NAALADL2: variants seen among roughly 807,000 people sequenced by gnomAD.
The protein encoded by NAALADL2 is inactive N-acetylated-alpha-linked acidic dipeptidase-like protein 2.
In NAALADL2, 76 loss-of-function variants were observed where a neutral mutation model predicts 87.2. The observed-to-expected ratio is 0.87, with a 90% CI of 0.72 to 1.05. The LOEUF is 1.05. NAALADL2 is among the 50% of genes least tolerant of loss of function. NAALADL2 has a pLI of 0.00. For synonymous variants in NAALADL2, 354 were observed against 331.0 expected (o/e 1.07, Z -0.75); for missense variants, 1,089 against 945.8 (o/e 1.15, Z -1.99).
At chr3:175,257,799 AT>A (rs1750270977) in intron 4 of NAALADL2, among the ~76,000 whole-genome samples, 3 of 152,342 alleles carry the variant, frequency 2.0e-5, no homozygotes, top group African/African-American at 7.2e-5. Context: ...GAGAACATTT[AT>A]AATAATTACA....
chr3:175,288,704 G>T (rs1755280513), intron 4 of NAALADL2, among the ~76,000 whole-genome samples: 1 of 152,130 alleles, frequency 6.6e-6, no homozygotes, highest in African/African-American at 2.4e-5. Context: ...CGTTCCATGG[G>T]ATGCGGTAGT....
intron 5 of NAALADL2, among the ~76,000 whole-genome samples, chr3:175,325,221 A>G (rs942150927): frequency 2.0e-5 from 3 of 152,222 alleles, no homozygotes; most frequent in Non-Finnish European, 4.4e-5. Flanking sequence ...TGCCTATTCT[A>G]TGTTAACTTT....
intron 3 of NAALADL2, among the ~76,000 whole-genome samples, chr3:174,780,296 T>A (rs1359362091): frequency 1.3e-5 from 2 of 152,162 alleles, no homozygotes; most frequent in Non-Finnish European, 2.9e-5. Flanking sequence ...CTGTTATTGG[T>A]GTATAGCAAA....
chr3:175,337,576 C>T (rs1361001874), intron 5 of NAALADL2, among the ~76,000 whole-genome samples: 2 of 152,032 alleles, frequency 1.3e-5, no homozygotes, highest in East Asian at 1.9e-4. Flanking sequence ...GAGAGAGCCC[C>T]AGAAAGAAAC....
intron 12 of NAALADL2, among the ~76,000 whole-genome samples, chr3:175,746,318 T>G (rs1053769669): frequency 1.3e-5 from 2 of 151,208 alleles, no homozygotes; most frequent in African/African-American, 2.4e-5. Flanking sequence ...TTGGTTTGTT[T>G]TTTTTTTTTT....
At chr3:175,734,237 C>G (rs918359635) in intron 11 of NAALADL2, among the ~76,000 whole-genome samples, 3 of 152,162 alleles carry the variant, frequency 2.0e-5, no homozygotes, top group African/African-American at 7.2e-5. Context: ...GGCATTCAGG[C>G]GTTTCCATAC....
At chr3:174,863,578 GAA>G (rs535994765) in intron 1 of NAALADL2, among the ~76,000 whole-genome samples, 1 of 142,894 alleles carries the variant, frequency 7.0e-6, no homozygotes, top group South Asian at 2.5e-4. Flanking sequence ...ATAAGTAAAA[GAA>G]AAAAAAAACA....
chr3:175,707,968 G>A (rs143849430), intron 11 of NAALADL2, among the ~76,000 whole-genome samples: 2 of 151,972 alleles, frequency 1.3e-5, no homozygotes, highest in East Asian at 3.9e-4. Flanking sequence ...TGTCAAACAG[G>A]GCTGTGAAAT....
intron 6 of NAALADL2, among the ~76,000 whole-genome samples, chr3:175,460,822 C>G (rs991174602): frequency 6.6e-6 from 1 of 152,254 alleles, no homozygotes; most frequent in South Asian, 2.1e-4. Context: ...CCCAAAGAGG[C>G]AGGGTGTTGC....
At chr3:175,187,903 T>C (rs1737583401) in intron 2 of NAALADL2, among the ~76,000 whole-genome samples, 1 of 152,208 alleles carries the variant, frequency 6.6e-6, no homozygotes. Flanking sequence ...GTAAGTGTTT[T>C]AATTGCACAT....
chr3:175,276,523 T>A (rs1244039861), intron 4 of NAALADL2, among the ~76,000 whole-genome samples: 1 of 152,138 alleles, frequency 6.6e-6, no homozygotes, highest in East Asian at 1.9e-4. Flanking sequence ...CAGGATGGTC[T>A]CGATTTCCTG....
At chr3:174,795,393 C>T (rs1238026547) in intron 3 of NAALADL2, among the ~76,000 whole-genome samples, 1 of 151,950 alleles carries the variant, frequency 6.6e-6, no homozygotes, top group African/African-American at 2.4e-5. Flanking sequence ...TTTTTATATG[C>T]TAAAAATAGT....
At chr3:174,943,457 G>T (rs945843499) in intron 1 of NAALADL2, among the ~76,000 whole-genome samples, 3 of 152,172 alleles carry the variant, frequency 2.0e-5, no homozygotes, top group Admixed American at 1.3e-4. Flanking sequence ...GAAAGTGAGA[G>T]TTCCTCTCCC....
intron 3 of NAALADL2, among the ~76,000 whole-genome samples, chr3:174,827,239 A>C (rs967604431): frequency 6.6e-6 from 1 of 152,156 alleles, no homozygotes; most frequent in African/African-American, 2.4e-5. Context: ...TTGTATTTGT[A>C]CTGTAACAAA....
At chr3:175,138,935 G>T (rs1729574444) in intron 2 of NAALADL2, among the ~76,000 whole-genome samples, 1 of 113,640 alleles carries the variant, frequency 8.8e-6, no homozygotes, top group Non-Finnish European at 1.7e-5. Context: ...TGATAGTGAA[G>T]GTTTTATTTC....
At chr3:174,682,930 G>A (rs540156583) in intron 2 of NAALADL2, among the ~76,000 whole-genome samples, 8 of 152,304 alleles carry the variant, frequency 5.3e-5, no homozygotes, top group African/African-American at 1.9e-4. Context: ...GGCACCAGTA[G>A]CTAATTTGGA....
intron 5 of NAALADL2, among the ~76,000 whole-genome samples, chr3:175,399,384 T>C (rs1444802881): frequency 6.6e-6 from 1 of 152,030 alleles, no homozygotes; most frequent in African/African-American, 2.4e-5. Flanking sequence ...CCAGCCTCAT[T>C]TGTGCCAGTT....
Position 175,568,114 on chromosome 3 carries a change from A to T in NAALADL2, c.1654-7927A>T, listed in dbSNP as rs554928066. 2.1e-3 allele frequency among the ~76,000 whole-genome samples: 308 copies of T among 146,938 alleles called. 1 individual carries two copies. The highest frequency in any genetic ancestry group is 7.0e-3 in the African/African-American group (285 of 40,480). Reference sequence around the variant, plus strand: ...ATTGCAAGTTATATATTAATTTTTAATTTTTTTTTTTTTACTATTCTGGAG... The same window carrying T: ...ATTGCAAGTTATATATTAATTTTTATTTTTTTTTTTTTTACTATTCTGGAG... On this transcript the variant is annotated intron_variant, in intron 9 of 13. Coordinates refer to ENST00000454872, the MANE Select transcript of NAALADL2 (RefSeq NM_207015.3).
intron 3 of NAALADL2, among the ~76,000 whole-genome samples, chr3:175,251,359 C>T (rs1321653489): frequency 2.0e-5 from 3 of 152,178 alleles, no homozygotes; most frequent in African/African-American, 7.2e-5. Flanking sequence ...TTAAATATTT[C>T]TCTCTGGTAA....
Sources: gnomAD v4.1 joint callset for allele counts (sites outside exome capture counted in the v4.1 genomes callset) on GRCh38, gnomAD v4.1.1 for gene constraint, MANE v1.5 for transcripts, NCBI Gene and HGNC (gene_info 2026-07-23, HGNC 2026-07-21) for gene names.